The following CSMD3 variants were observed in gnomAD, a reference collection of about 807,000 sequenced individuals.
CSMD3 encodes the protein CUB and Sushi multiple domains 3, also known as CUB and sushi domain-containing protein 3.
A neutral mutation model predicts 435.2 loss-of-function variants in CSMD3; 177 were observed. That is an observed-to-expected ratio of 0.41 (90% CI 0.36 to 0.46). CSMD3 has a LOEUF of 0.46. Ranked by LOEUF, CSMD3 falls within the 20% of genes least tolerant of loss-of-function variation. The pLI, the probability that CSMD3 is intolerant of heterozygous loss-of-function variation, is 0.34. For synonymous variants in CSMD3, 1,656 were observed against 1,520.5 expected (o/e 1.09, Z -2.07); for missense variants, 4,265 against 4,504.6 (o/e 0.95, Z 1.52).
chr8:112,839,499 G>A (rs1037186463), intron 11 of CSMD3, among the ~76,000 whole-genome samples: 2 of 151,684 alleles, frequency 1.3e-5, no homozygotes. Flanking sequence ...ACATATAAAT[G>A]ATCAACTTGA....
At position 112,963,925 on chromosome 8, in the gene CSMD3, C is replaced by T. The variant is rs117869065; in HGVS notation, c.1343-9164G>A. ...GCTACCTAAGACATTTAAAACTGTGCTAATTTTTTTAAATAAATTTGTTCA... is the reference window on the plus strand; with the variant it reads ...GCTACCTAAGACATTTAAAACTGTGTTAATTTTTTTAAATAAATTTGTTCA... On this transcript the variant is annotated intron_variant, in intron 7 of 70. Transcript: ENST00000297405. Among the ~76,000 whole-genome samples, 1,212 of 151,922 alleles carry T rather than the reference C, an allele frequency of 8.0e-3. 5 individuals carry two copies. Among genetic ancestry groups the T allele is most frequent in the Middle Eastern group, 0.014 (4 of 294 alleles).
chr8:113,407,675 A>G (rs995726671), intron 1 of CSMD3, among the ~76,000 whole-genome samples: 2 of 152,206 alleles, frequency 1.3e-5, no homozygotes, highest in African/African-American at 4.8e-5. Flanking sequence ...TATCAATGTG[A>G]AAATACCAGT....
At chr8:112,689,196 T>C (rs1563855152) in intron 14 of CSMD3, among the ~76,000 whole-genome samples, 3 of 152,054 alleles carry the variant, frequency 2.0e-5, no homozygotes, top group Non-Finnish European at 4.4e-5. Context: ...TATATTGTTA[T>C]TAGGGAAATT....
intron 9 of CSMD3, among the ~76,000 whole-genome samples, chr8:112,924,343 A>G (rs1432091224): frequency 2.0e-5 from 3 of 152,162 alleles, no homozygotes; most frequent in African/African-American, 7.2e-5. Flanking sequence ...AATGATGGTA[A>G]AAACTTTAGG....
chr8:112,262,070 T>A (rs1472134511), intron 61 of CSMD3, among the ~76,000 whole-genome samples: 1 of 152,056 alleles, frequency 6.6e-6, no homozygotes, highest in Non-Finnish European at 1.5e-5. Context: ...ACCATTTGAA[T>A]CTTGCTTAAG....
intron 18 of CSMD3, among the ~76,000 whole-genome samples, chr8:112,654,222 G>C (rs1020198248): frequency 2.0e-5 from 3 of 152,204 alleles, no homozygotes; most frequent in Non-Finnish European, 4.4e-5. Flanking sequence ...CTGATTTTGA[G>C]GTTTGTGAAT....
chr8:113,245,645 C>A (rs185667937), intron 3 of CSMD3, among the ~76,000 whole-genome samples: 2 of 152,062 alleles, frequency 1.3e-5, no homozygotes, highest in East Asian at 1.9e-4. Context: ...TTTTTAAAAT[C>A]AGACAGAATA....
In CSMD3 at chr8:112,568,849, T is replaced by A. The variant is rs552385665; in HGVS notation, c.4042+4652A>T. 8.5e-5 allele frequency among the ~76,000 whole-genome samples: 13 copies of A among 152,294 alleles called. No individual in the cohort carries two copies. The East Asian group carries it at 1.7e-3, about 20-fold the overall frequency. On this transcript the variant is annotated intron_variant, in intron 24 of 70. Coordinates refer to ENST00000297405, the MANE Select transcript of CSMD3 (RefSeq NM_198123.2). ...TTCAGTATCTTTAACCTAATTTTTT[T>A]AATATTCGTGACAGCTGTACATTGT... is the stretch of plus-strand genomic sequence containing the variant.
At position 112,552,654 on chromosome 8, in the gene CSMD3, G is replaced by T; in HGVS notation, c.4301C>A (p.Pro1434Gln). 2 of 1,611,982 alleles carry T rather than the reference G, an allele frequency of 1.2e-6. No individual in the cohort carries two copies. Among genetic ancestry groups the T allele is most frequent in the Non-Finnish European group, 1.7e-6 (2 of 1,178,620 alleles). The change falls in exon 26 of 71, where the codon CCA (proline) becomes CAA (glutamine). Residue 1434 changes from proline to glutamine, a missense_variant. Pro to Gln is a moderately conservative substitution (Grantham distance 76). This residue lies in a region of CSMD3 where 3,255 missense variants were observed against 3,380.2 expected (regional missense o/e 0.96). Coordinates refer to ENST00000297405, the MANE Select transcript of CSMD3 (RefSeq NM_198123.2). ...GRILSPGYPF[P>Q]YDNNLRCMWM... The stretch of plus-strand genomic sequence containing the variant: ...CATGCAACGCAGGTTATTGTCATAT[G>T]GAAAAGGATAGCCAGGAGATAAGAT...
chr8:112,263,567 T>C, intron 61 of CSMD3, 72 bp downstream of exon 61: 1 of 1,270,764 alleles, frequency 7.9e-7, no homozygotes. Flanking sequence ...GAAGGAAGCT[T>C]AACAATCTCA....
At chr8:112,979,281 T>A (rs1454255451) in intron 6 of CSMD3, among the ~76,000 whole-genome samples, 3 of 151,858 alleles carry the variant, frequency 2.0e-5, no homozygotes, top group African/African-American at 4.8e-5. Context: ...ATATGTTTGA[T>A]ACATATAGTG....
intron 10 of CSMD3, among the ~76,000 whole-genome samples, chr8:112,899,846 G>A (rs1440042144): frequency 1.3e-5 from 2 of 149,472 alleles, no homozygotes; most frequent in African/African-American, 4.9e-5. Flanking sequence ...GAGAGAGAGA[G>A]AGAGTCAGAG....
chr8:112,900,675 T>A (rs2130434198), intron 10 of CSMD3, among the ~76,000 whole-genome samples: 1 of 151,322 alleles, frequency 6.6e-6, no homozygotes, highest in Middle Eastern at 3.4e-3. Flanking sequence ...CACTTTATAG[T>A]CCATAACAAA....
chr8:113,234,593 C>T (rs892583279), intron 3 of CSMD3, among the ~76,000 whole-genome samples: 1 of 152,094 alleles, frequency 6.6e-6, no homozygotes, highest in African/African-American at 2.4e-5. Context: ...GCAATTCTAC[C>T]ACTTATAACA....
intron 1 of CSMD3, among the ~76,000 whole-genome samples, chr8:113,378,762 A>AGTGT (rs5894145): frequency 0.15 from 21,835 of 148,118 alleles, 1,789 homozygotes; most frequent in African/African-American, 0.22. Context: ...GTCACACTGA[A>AGTGT]GTGTGTGTGT....
At chr8:113,103,364 T>G (rs1418106469) in intron 4 of CSMD3, among the ~76,000 whole-genome samples, 1 of 152,150 alleles carries the variant, frequency 6.6e-6, no homozygotes, top group Non-Finnish European at 1.5e-5. Context: ...AGTCATTTAA[T>G]TTTTCATATA....
chr8:112,773,424 T>G (rs1001559777), intron 13 of CSMD3, among the ~76,000 whole-genome samples: 2 of 152,010 alleles, frequency 1.3e-5, no homozygotes, highest in African/African-American at 4.8e-5. Context: ...AATAAATCTT[T>G]TTGTTACAGA....
chr8:112,559,914 A>G (rs932693219), intron 24 of CSMD3, among the ~76,000 whole-genome samples: 5 of 151,826 alleles, frequency 3.3e-5, no homozygotes, highest in African/African-American at 1.2e-4. Flanking sequence ...TTTATGAATA[A>G]GGAAAATCAC....
intron 1 of CSMD3, among the ~76,000 whole-genome samples, chr8:113,365,060 C>T (rs1164500794): frequency 6.6e-5 from 10 of 152,026 alleles, no homozygotes; most frequent in Non-Finnish European, 1.0e-4. Flanking sequence ...CTGTAGAATA[C>T]ATTTATGTGA....
Sources: gnomAD v4.1 joint callset for allele counts (sites outside exome capture counted in the v4.1 genomes callset) on GRCh38, gnomAD v4.1.1 for gene constraint, gnomAD v4.1.1 regional missense constraint, MANE v1.5 for transcripts, NCBI Gene and HGNC (gene_info 2026-07-23, HGNC 2026-07-21) for gene names.